CDKAL1: variants seen among roughly 807,000 people sequenced by gnomAD.
The protein encoded by CDKAL1 is threonylcarbamoyladenosine tRNA methylthiotransferase.
Under a neutral mutation model 68.2 loss-of-function variants are expected in CDKAL1, and 32 were observed. The ratio of observed to expected loss-of-function variants is 0.47; its 90% confidence interval spans 0.35 to 0.63. The LOEUF (loss-of-function observed/expected upper bound fraction) is 0.63. CDKAL1 is among the 30% of genes least tolerant of loss of function. The pLI is 0.00. For missense variants in CDKAL1, 606 were observed against 696.7 expected (o/e 0.87, Z 1.47); for synonymous variants, 234 against 244.3 (o/e 0.96, Z 0.39).
At chr6:21,159,909 T>C (rs1186463080) in intron 13 of CDKAL1, among the ~76,000 whole-genome samples, 1 of 152,018 alleles carries the variant, frequency 6.6e-6, no homozygotes, top group Non-Finnish European at 1.5e-5. Context: ...CAGACAAGAG[T>C]GGGAGATTAT....
At chr6:20,955,314 CTGAATAATAGTGT>C (rs1212096194) in intron 9 of CDKAL1, 92 bp from the exon 10 acceptor site, 13 of 1,163,950 alleles carry the variant, frequency 1.1e-5, no homozygotes, top group Non-Finnish European at 1.5e-5. Flanking sequence ...CCCAGACTGC[CTGAATAATAGTGT>C]TGAGAAATAC....
intron 9 of CDKAL1, among the ~76,000 whole-genome samples, chr6:20,915,245 A>G (rs1335334728): frequency 6.6e-6 from 1 of 152,056 alleles, no homozygotes; most frequent in Non-Finnish European, 1.5e-5. Context: ...GTCTTAGGAG[A>G]TGTATCAGTC....
chr6:20,887,688 T>TTTTTTTTTTTTTTTTTTTG (rs1581766923), intron 9 of CDKAL1, among the ~76,000 whole-genome samples: 14 of 116,560 alleles, frequency 1.2e-4, no homozygotes, highest in Non-Finnish European at 1.7e-4. Flanking sequence ...GATTACTTTC[T>TTTTTTTTTTTTTTTTTTTG]AGAGGAAAGT....
At chr6:20,902,793 A>G (rs1435443659) in intron 9 of CDKAL1, among the ~76,000 whole-genome samples, 3 of 152,318 alleles carry the variant, frequency 2.0e-5, no homozygotes, top group Admixed American at 6.5e-5. Flanking sequence ...TAACAGAAGA[A>G]TGGTTATTGG....
At chr6:20,924,759 C>T (rs539744999) in intron 9 of CDKAL1, among the ~76,000 whole-genome samples, 2 of 152,274 alleles carry the variant, frequency 1.3e-5, no homozygotes, top group South Asian at 4.1e-4. Context: ...CAGGGTGAAG[C>T]AGCAAATGCT....
intron 8 of CDKAL1, among the ~76,000 whole-genome samples, chr6:20,782,100 G>A (rs921477222): frequency 1.4e-4 from 21 of 152,150 alleles, no homozygotes; most frequent in African/African-American, 9.7e-5. Flanking sequence ...CCATCTGCCT[G>A]TTTCTCTGAA....
At chr6:20,721,314 G>T (rs1772346271) in intron 5 of CDKAL1, among the ~76,000 whole-genome samples, 1 of 152,118 alleles carries the variant, frequency 6.6e-6, no homozygotes, top group Admixed American at 6.5e-5. Context: ...TGGCTGCATA[G>T]TATTCCATGG....
chr6:20,802,890 A>G (rs1416419500), intron 8 of CDKAL1, among the ~76,000 whole-genome samples: 1 of 152,224 alleles, frequency 6.6e-6, no homozygotes, highest in Non-Finnish European at 1.5e-5. Flanking sequence ...AGGAAGGAGA[A>G]GAGTACTGCT....
intron 8 of CDKAL1, among the ~76,000 whole-genome samples, chr6:20,837,736 C>T (rs1778005208): frequency 8.8e-6 from 1 of 113,036 alleles, no homozygotes; most frequent in Admixed American, 9.9e-5. Context: ...TTTGGCTTCA[C>T]TTCAGCATAT....
chr6:20,604,453 G>C (rs1192350127), intron 4 of CDKAL1, among the ~76,000 whole-genome samples: 3 of 152,146 alleles, frequency 2.0e-5, no homozygotes, highest in African/African-American at 7.2e-5. Context: ...TTCTCACAGG[G>C]CTAGTAGCAT....
At chr6:20,802,075 G>A (rs978735862) in intron 8 of CDKAL1, among the ~76,000 whole-genome samples, 1 of 151,962 alleles carries the variant, frequency 6.6e-6, no homozygotes, top group African/African-American at 2.4e-5. Flanking sequence ...CGAGGTGGGC[G>A]GATCACAAGG....
intron 9 of CDKAL1, among the ~76,000 whole-genome samples, chr6:20,951,824 A>G (rs1764536965): frequency 6.6e-6 from 1 of 151,828 alleles, no homozygotes; most frequent in Non-Finnish European, 1.5e-5. Context: ...AAAAACCCTA[A>G]TTTCTGTCTC....
intron 2 of CDKAL1, among the ~76,000 whole-genome samples, chr6:20,545,896 A>G (rs1322546879): frequency 6.6e-6 from 1 of 152,250 alleles, no homozygotes; most frequent in Non-Finnish European, 1.5e-5. Context: ...ATGATTTATA[A>G]TAACTTCTTC....
At chr6:20,838,657 A>G (rs772784873) in intron 8 of CDKAL1, among the ~76,000 whole-genome samples, 2 of 152,174 alleles carry the variant, frequency 1.3e-5, no homozygotes, top group African/African-American at 4.8e-5. Flanking sequence ...GCTGCTAGCT[A>G]CAAATAGAAC....
At chr6:21,060,928 C>T (rs891668410) in intron 11 of CDKAL1, among the ~76,000 whole-genome samples, 2 of 152,028 alleles carry the variant, frequency 1.3e-5, no homozygotes, top group African/African-American at 4.8e-5. Context: ...CTACTTTATT[C>T]ACATGTAGAA....
intron 6 of CDKAL1, among the ~76,000 whole-genome samples, chr6:20,758,127 C>T (rs1774305750): frequency 6.6e-6 from 1 of 152,094 alleles, no homozygotes; most frequent in Non-Finnish European, 1.5e-5. Flanking sequence ...GTACCCAGCA[C>T]ATGGTAGAAA....
chr6:20,974,064 A>G (rs1041681741), intron 10 of CDKAL1, among the ~76,000 whole-genome samples: 4 of 152,242 alleles, frequency 2.6e-5, no homozygotes, highest in African/African-American at 9.6e-5. Flanking sequence ...GGCTTATAGA[A>G]GTTTACTTCT....
intron 13 of CDKAL1, among the ~76,000 whole-genome samples, chr6:21,177,641 A>T (rs894256949): frequency 4.0e-5 from 6 of 151,634 alleles, no homozygotes; most frequent in Admixed American, 6.6e-5. Context: ...CTGGTTGGGT[A>T]TTATTTAAAG....
chr6:20,817,731 T>TA lies in CDKAL1; in HGVS notation c.639-28343dup, dbSNP rs1777104275. Among the ~76,000 whole-genome samples, 3 of 152,302 alleles carry TA rather than the reference T, an allele frequency of 2.0e-5. No individual in the cohort carries two copies. In the South Asian group the frequency reaches 6.2e-4, roughly 32 times the overall value. On this transcript the variant is annotated intron_variant, in intron 8 of 15. Coordinates refer to ENST00000274695, the MANE Select transcript of CDKAL1 (RefSeq NM_017774.3). ...TTATTGTTGTTTGAAGCAATAGTGA[T>TA]ATGGTGTCTTCTACCTCCGGCAAGC...
Sources: allele counts gnomAD v4.1 joint callset (sites outside exome capture counted in the v4.1 genomes callset), GRCh38; gene constraint gnomAD v4.1.1; transcripts MANE v1.5; gene names NCBI Gene and HGNC (gene_info 2026-07-23, HGNC 2026-07-21).